Variants in CPSF4L observed in about 807,000 individuals in gnomAD.
CPSF4L encodes the protein putative cleavage and polyadenylation specificity factor subunit 4-like protein.
Under a neutral mutation model 24.0 loss-of-function variants are expected in CPSF4L, and 18 were observed. That is an observed-to-expected ratio of 0.75 (90% CI 0.52 to 1.11). CPSF4L has a LOEUF of 1.11. Ranked by LOEUF, CPSF4L falls within the 50% of genes least tolerant of loss-of-function variation. The probability of loss-of-function intolerance (pLI) is 0.00; values close to 1 mark genes in which losing one functional copy is unlikely to be tolerated. For missense variants in CPSF4L, 211 were observed against 221.8 expected, an observed-to-expected ratio of 0.95 and a Z score of 0.31; for synonymous variants, 72 against 77.2, an observed-to-expected ratio of 0.93 and a Z score of 0.35.
At chr17:73,248,773 T>A (rs2061987177) in intron 5 of CPSF4L, 2 of 475,250 alleles carry the variant, frequency 4.2e-6, no homozygotes, top group Non-Finnish European at 7.5e-6. Flanking sequence ...CCTTGTTTAA[T>A]CCTGAATAAT....
At chr17:73,242,371 G>A in the CPSF4L span, 2 of 1,481,348 alleles carry the variant, frequency 1.4e-6, no homozygotes, top group South Asian at 1.2e-5. Context: ...GAGTTTGACT[G>A]TTGTCTTCTG....
chr17:73,249,948 G>A (rs1373135017), intron 5 of CPSF4L: 3 of 274,008 alleles, frequency 1.1e-5, no homozygotes, highest in Admixed American at 1.0e-4. Context: ...CTGTTGGTAG[G>A]AGCTGAGCAA....
chr17:73,242,635 A>ACT, the CPSF4L span, among the ~76,000 whole-genome samples: 1 of 152,040 alleles, frequency 6.6e-6, no homozygotes, highest in African/African-American at 2.4e-5. Flanking sequence ...AGCCAGAAAA[A>ACT]CTCTAAACCT....
chr17:73,258,961 G>A (rs1274168778), intron 2 of CPSF4L, among the ~76,000 whole-genome samples: 2 of 152,238 alleles, frequency 1.3e-5, no homozygotes, highest in South Asian at 2.1e-4. Context: ...CCATGGAAAT[G>A]TTACATTTAA....
chr17:73,244,289 G>C (rs1036576773), downstream of CPSF4L, among the ~76,000 whole-genome samples: 15 of 152,114 alleles, frequency 9.9e-5, 2 homozygotes, highest in South Asian at 3.1e-3. Flanking sequence ...GGGGCCGGGC[G>C]CGGTGGCTCA....
At chr17:73,261,664 G>GC (rs1555737331) in intron 1 of CPSF4L, 52 bp downstream of exon 1, 192 of 1,233,438 alleles carry the variant, frequency 1.6e-4, no homozygotes, top group Non-Finnish European at 2.2e-4. Flanking sequence ...CCGTCTCAAA[G>GC]AAAAAAAAAC....
chr17:73,250,110 C>G, intron 5 of CPSF4L: 1 of 705,476 alleles, frequency 1.4e-6, no homozygotes, highest in Non-Finnish European at 2.1e-6. Context: ...AAGAAATAAA[C>G]CTGCCTGCCA....
intron 3 of CPSF4L, among the ~76,000 whole-genome samples, chr17:73,255,117 C>T (rs373252156): frequency 3.3e-5 from 5 of 152,266 alleles, no homozygotes; most frequent in African/African-American, 9.6e-5. Flanking sequence ...GAAGGAGCGT[C>T]GTAGCGTCTA....
intron 2 of CPSF4L, among the ~76,000 whole-genome samples, chr17:73,258,168 C>G (rs2062030920): frequency 6.6e-6 from 1 of 152,106 alleles, no homozygotes; most frequent in African/African-American, 2.4e-5. Flanking sequence ...AGCCACCACG[C>G]CCTGCTAATT....
At chr17:73,257,900 A>T in intron 2 of CPSF4L, 67 bp from the exon 3 acceptor site, 4 of 1,501,656 alleles carry the variant, frequency 2.7e-6, no homozygotes, top group Non-Finnish European at 3.6e-6. Flanking sequence ...TCAGCCCTCC[A>T]GGGGATTCCC....
intron 4 of CPSF4L, among the ~76,000 whole-genome samples, chr17:73,252,993 C>T (rs949035540): frequency 5.3e-5 from 1 of 18,932 alleles, no homozygotes; most frequent in Non-Finnish European, 7.5e-4. Flanking sequence ...CATGCTGTGT[C>T]CTGGAGGACT....
downstream of CPSF4L, among the ~76,000 whole-genome samples, chr17:73,246,918 C>G (rs1345097343): frequency 2.6e-5 from 4 of 152,162 alleles, no homozygotes; most frequent in Non-Finnish European, 5.9e-5. Flanking sequence ...CTTAAGGATT[C>G]TCTCCACACC....
chr17:73,245,661 G>T, downstream of CPSF4L: 3 of 985,316 alleles, frequency 3.0e-6, no homozygotes, highest in Non-Finnish European at 3.6e-6. Context: ...TTTCTTTGGG[G>T]CCCTTGACCA....
At position 73,261,801 on chromosome 17, in the gene CPSF4L, C is replaced by G. The variant is rs375956317; in HGVS notation, c.18G>C (p.Ala6=). The change falls in exon 1 of 6, where the codon GCG becomes GCC. Residue 6 remains alanine, a synonymous_variant. Transcript: ENST00000344935. ...AGGCAAAGGTGAACCGCTCTAGCCC[C>G]GCAATGACCTCTTGCATCTTCCGTC... MQEVI[A]GLERFTFAFE... is the part of the protein sequence containing the mutation. The G allele has an allele frequency of 1.9e-6, 3 of 1,551,600 alleles. No individual in the cohort carries two copies. Among genetic ancestry groups the G allele is most frequent in the Non-Finnish European group, 2.6e-6 (3 of 1,146,950 alleles).
intron 5 of CPSF4L, chr17:73,250,077 A>T: frequency 1.9e-6 from 1 of 538,032 alleles, no homozygotes; most frequent in Non-Finnish European, 3.1e-6. Flanking sequence ...TATTTTTAGT[A>T]GCTCGTTCAC....
rs554917119 is a variant in CPSF4L, at chr17:73,258,211, C to T, written c.155-378G>A. 1.3e-4 allele frequency among the ~76,000 whole-genome samples: 20 copies of T among 152,164 alleles called. No individual in the cohort carries two copies. In the South Asian group the frequency reaches 3.7e-3, roughly 28 times the overall value. On this transcript the variant is annotated intron_variant, in intron 2 of 5. Coordinates refer to ENST00000344935, the MANE Select transcript of CPSF4L (RefSeq NM_001129885.1). ...TTTTTTAGTAGAGACAGGGTTTCAC[C>T]GTGTTAGCCAGGATGGTCTCGATCT...
upstream of CPSF4L, among the ~76,000 whole-genome samples, chr17:73,263,429 T>C (rs1252440255): frequency 6.6e-6 from 1 of 151,852 alleles, no homozygotes; most frequent in Non-Finnish European, 1.5e-5. Flanking sequence ...GATGGAGGCA[T>C]GAGGGGCCCA....
chr17:73,251,523 A>G (rs9899148), intron 5 of CPSF4L, among the ~76,000 whole-genome samples: 6,229 of 152,240 alleles, frequency 0.041, 350 homozygotes, highest in African/African-American at 0.12. Flanking sequence ...AGCTTTTTCT[A>G]TAGAACACCA....
chr17:73,252,355 C>A (rs1647376509), intron 5 of CPSF4L, among the ~76,000 whole-genome samples: 1 of 152,172 alleles, frequency 6.6e-6, no homozygotes, highest in African/African-American at 2.4e-5. Flanking sequence ...TTACAGAGGA[C>A]TGGGGAGAAA....
Sources: gnomAD v4.1 joint callset for allele counts (sites outside exome capture counted in the v4.1 genomes callset) on GRCh38, gnomAD v4.1.1 for gene constraint, MANE v1.5 for transcripts, NCBI Gene and HGNC (gene_info 2026-07-23, HGNC 2026-07-21) for gene names.